The following PLAAT1 variants were observed in gnomAD, a reference collection of about 807,000 sequenced individuals.
PLAAT1 encodes H-REV107 protein-related protein.
Under a neutral mutation model 16.4 loss-of-function variants are expected in PLAAT1, and 13 were observed. That is an observed-to-expected ratio of 0.79 (90% confidence interval 0.52 to 1.26). The LOEUF is 1.26. PLAAT1 is among the 50% of genes most tolerant of loss of function. PLAAT1 has a pLI of 0.00. For missense variants in PLAAT1, 218 were observed against 207.8 expected (o/e 1.05, Z -0.30); for synonymous variants, 73 against 78.4 (o/e 0.93, Z 0.36).
downstream of PLAAT1, chr3:193,279,600 G>A: frequency 1.6e-6 from 1 of 629,440 alleles, no homozygotes. Context: ...TTTGAAATAT[G>A]TTCTAATGCT....
intron 3 of PLAAT1, among the ~76,000 whole-genome samples, chr3:193,265,763 TAATG>T (rs1716757884): frequency 6.6e-6 from 1 of 151,368 alleles, no homozygotes; most frequent in Non-Finnish European, 1.5e-5. Flanking sequence ...TGTATTAACA[TAATG>T]AATGTTCTGC....
chr3:193,241,634 C>A, intron 1 of PLAAT1, 101 bp downstream of exon 1: 1 of 797,082 alleles, frequency 1.3e-6, no homozygotes, highest in Non-Finnish European at 1.7e-6. Context: ...TAGAGAACAA[C>A]GGAGCTTATC....
At chr3:193,279,984 A>AT (rs1468400503), downstream of PLAAT1, among the ~76,000 whole-genome samples, 6 of 147,780 alleles carry the variant, frequency 4.1e-5, no homozygotes, top group African/African-American at 1.5e-4. Flanking sequence ...GTTAAAAAAA[A>AT]AAAAAAAAAA....
chr3:193,256,453 G>A (rs1716376914), intron 2 of PLAAT1, among the ~76,000 whole-genome samples: 1 of 151,962 alleles, frequency 6.6e-6, no homozygotes, highest in Non-Finnish European at 1.5e-5. Context: ...CAGGTCAAGG[G>A]GACAGCAGAC....
At chr3:193,243,745 T>G (rs1313430002) in intron 1 of PLAAT1, among the ~76,000 whole-genome samples, 1 of 152,192 alleles carries the variant, frequency 6.6e-6, no homozygotes, top group African/African-American at 2.4e-5. Flanking sequence ...CATCTGAGTC[T>G]CAGTTTCCTC....
chr3:193,279,828 T>TAAATA (rs1717399718), downstream of PLAAT1, among the ~76,000 whole-genome samples: 1 of 151,956 alleles, frequency 6.6e-6, no homozygotes, highest in African/African-American at 2.4e-5. Context: ...GATCCTCTAT[T>TAAATA]GACATTCAAG....
intron 3 of PLAAT1, 63 bp from the exon 4 acceptor site, chr3:193,270,541 A>G: frequency 4.6e-6 from 7 of 1,506,540 alleles, no homozygotes. Flanking sequence ...CTAAAGCTTC[A>G]TTTAGGACAC....
intron 1 of PLAAT1, 60 bp downstream of exon 1, chr3:193,241,593 C>G: frequency 8.5e-7 from 1 of 1,175,010 alleles, no homozygotes; most frequent in Non-Finnish European, 1.1e-6. Flanking sequence ...CGTGTTCTAA[C>G]CAACTGGCAA....
chr3:193,247,255 A>T (rs1305821257), intron 1 of PLAAT1, among the ~76,000 whole-genome samples: 1 of 152,032 alleles, frequency 6.6e-6, no homozygotes, highest in Non-Finnish European at 1.5e-5. Context: ...CCTCTGACCC[A>T]CCCCACAGGT....
downstream of PLAAT1, chr3:193,279,341 A>G (rs775661316): frequency 4.5e-6 from 7 of 1,543,186 alleles, no homozygotes; most frequent in South Asian, 6.7e-5. Flanking sequence ...GAGTCATGCC[A>G]GATGTGCAAA....
At chr3:193,281,044 TA>T (rs1717471136), downstream of PLAAT1, 1 of 218,824 alleles carries the variant, frequency 4.6e-6, no homozygotes, top group South Asian at 1.6e-4. Flanking sequence ...TGTATATAAA[TA>T]AATGCAGCAC....
intron 1 of PLAAT1, among the ~76,000 whole-genome samples, chr3:193,247,635 C>T (rs922645022): frequency 1.4e-4 from 21 of 151,898 alleles, no homozygotes; most frequent in African/African-American, 4.9e-4. Context: ...TATCAGTTTC[C>T]TCTTTTTTTT....
At chr3:193,248,644 T>C (rs1456783465) in intron 1 of PLAAT1, among the ~76,000 whole-genome samples, 1 of 152,122 alleles carries the variant, frequency 6.6e-6, no homozygotes, top group Non-Finnish European at 1.5e-5. Context: ...AATGACAAGC[T>C]ATTTTAAGCT....
chr3:193,264,177 G>A (rs1287736535), intron 3 of PLAAT1, among the ~76,000 whole-genome samples: 1 of 152,106 alleles, frequency 6.6e-6, no homozygotes, highest in Non-Finnish European at 1.5e-5. Flanking sequence ...TTTTGAAATG[G>A]TGGATCAGTT....
At chr3:193,251,832 T>C (rs1292976357) in intron 1 of PLAAT1, among the ~76,000 whole-genome samples, 2 of 152,148 alleles carry the variant, frequency 1.3e-5, no homozygotes, top group Non-Finnish European at 2.9e-5. Context: ...ATAATTGATC[T>C]GTGTGTAGGT....
chr3:193,240,721 G>C (rs903278179), upstream of PLAAT1, among the ~76,000 whole-genome samples: 1 of 150,414 alleles, frequency 6.6e-6, no homozygotes, highest in African/African-American at 2.4e-5. Context: ...GCGTGTGTGT[G>C]TGTGTGGTGT....
intron 1 of PLAAT1, among the ~76,000 whole-genome samples, chr3:193,248,938 A>G (rs1054458589): frequency 6.6e-6 from 1 of 152,038 alleles, no homozygotes; most frequent in Non-Finnish European, 1.5e-5. Flanking sequence ...ACTTAGTGAT[A>G]TTTTCCTTCA....
intron 3 of PLAAT1, among the ~76,000 whole-genome samples, chr3:193,264,802 C>T (rs916278771): frequency 2.6e-5 from 4 of 152,190 alleles, no homozygotes; most frequent in African/African-American, 4.8e-5. Flanking sequence ...CGTGAGCCAC[C>T]GTGCCCAGCC....
intron 1 of PLAAT1, among the ~76,000 whole-genome samples, chr3:193,250,126 A>G (rs1448252147): frequency 6.6e-6 from 1 of 152,186 alleles, no homozygotes; most frequent in Non-Finnish European, 1.5e-5. Context: ...GGTCTTGTGT[A>G]GGAGATGTTC....
Sources: gnomAD v4.1 joint callset for allele counts (sites outside exome capture counted in the v4.1 genomes callset) on GRCh38, gnomAD v4.1.1 for gene constraint, MANE v1.5 for transcripts, NCBI Gene and HGNC (gene_info 2026-07-23, HGNC 2026-07-21) for gene names.